CASD1: variants seen among roughly 807,000 people sequenced by gnomAD.
The protein encoded by CASD1 is CAS1 domain sialic acid O acetyltransferase 1.
CASD1 carries 41 observed loss-of-function variants against 100.0 expected under a neutral mutation model. The observed-to-expected ratio is 0.41, with a 90% CI of 0.32 to 0.53. The LOEUF (loss-of-function observed/expected upper bound fraction) is 0.53, where lower values mean the gene tolerates loss of function less well. Among genes scored for constraint, CASD1 ranks in the 20% least tolerant of loss-of-function variants. CASD1 has a pLI of 0.25. For missense variants in CASD1, 774 were observed against 948.7 expected, an observed-to-expected ratio of 0.82 and a Z score of 2.42; for synonymous variants, 321 against 315.6, an observed-to-expected ratio of 1.02 and a Z score of -0.18.
the CASD1 span, chr7:94,598,863 C>G: frequency 6.3e-5 from 102 of 1,612,592 alleles, 2 homozygotes; most frequent in Middle Eastern, 9.9e-4. Flanking sequence ...GGGTGGAACA[C>G]AGGAAGCGTT....
chr7:94,590,156 A>G, the CASD1 span: 1 of 152,146 alleles, frequency 6.6e-6, no homozygotes, highest in Non-Finnish European at 1.5e-5. Context: ...CCTGTACACA[A>G]TCAGCTCCCA....
the CASD1 span, chr7:94,597,663 A>C: frequency 6.6e-6 from 1 of 152,186 alleles, no homozygotes; most frequent in Non-Finnish European, 1.5e-5. Context: ...AGCCAACTTC[A>C]TGACTTCTAG....
intron 1 of CASD1, among the ~76,000 whole-genome samples, chr7:94,516,091 A>G (rs1793965776): frequency 6.6e-6 from 1 of 152,084 alleles, no homozygotes; most frequent in Non-Finnish European, 1.5e-5. Context: ...TAATTGGGGA[A>G]AATGAAGAAC....
chr7:94,628,686 T>C, the CASD1 span: 1 of 287,086 alleles, frequency 3.5e-6, no homozygotes, highest in Admixed American at 4.9e-5. Flanking sequence ...ATCATGCTAA[T>C]GTACTCATTC....
intron 3 of CASD1, among the ~76,000 whole-genome samples, chr7:94,520,739 C>T (rs187254592): frequency 1.8e-4 from 28 of 152,228 alleles, no homozygotes; most frequent in Non-Finnish European, 2.8e-4. Flanking sequence ...AGGCAGATCA[C>T]GAGGTCAAGA....
chr7:94,598,814 TTGTC>T, the CASD1 span: 9 of 1,613,430 alleles, frequency 5.6e-6, no homozygotes, highest in Non-Finnish European at 6.8e-6. Flanking sequence ...GCTATCATAG[TTGTC>T]TGTGTGTAAA....
At chr7:94,536,813 C>T (rs945841836) in intron 8 of CASD1, among the ~76,000 whole-genome samples, 1 of 152,008 alleles carries the variant, frequency 6.6e-6, no homozygotes, top group Non-Finnish European at 1.5e-5. Flanking sequence ...CTCAACTTTC[C>T]CAGAATAATT....
At chr7:94,573,422 C>G in the CASD1 span, among the ~76,000 whole-genome samples, 1 of 152,082 alleles carries the variant, frequency 6.6e-6, no homozygotes, top group Non-Finnish European at 1.5e-5. Context: ...TTTTGTAATT[C>G]TCATTGTAGA....
the CASD1 span, chr7:94,598,379 G>C: frequency 9.3e-6 from 2 of 215,710 alleles, no homozygotes; most frequent in African/African-American, 4.8e-5. Flanking sequence ...AGATTACAAA[G>C]GTCTATGGTA....
intron 3 of CASD1, among the ~76,000 whole-genome samples, chr7:94,519,333 GA>G (rs1216607545): frequency 2.6e-5 from 4 of 152,112 alleles, no homozygotes; most frequent in Admixed American, 2.6e-4. Flanking sequence ...GCAAAGGGGG[GA>G]AAGTCGAACA....
the CASD1 span, chr7:94,590,001 T>C: frequency 6.6e-6 from 1 of 152,216 alleles, no homozygotes; most frequent in Admixed American, 6.5e-5. Flanking sequence ...TTATGTCATT[T>C]AAATAACACA....
At position 94,545,631 on chromosome 7, in the gene CASD1, C is replaced by T. The variant is rs993947437; in HGVS notation, c.1563C>T (p.Val521=). 7.4e-6 allele frequency: 12 copies of T among 1,611,170 alleles called. No individual in the cohort carries two copies. Among genetic ancestry groups the T allele is most frequent in the African/African-American group, 1.3e-5 (1 of 74,814 alleles). The stretch of plus-strand genomic sequence containing the variant: ...AATTCTATTACTTTGTCCCCTTGGT[C>T]ACTGTATGGTTCATGGTCATATATG... ...PYQFYYFVPL[V]TVWFMVIYVT... Residue 521 remains valine (V), a synonymous_variant, in exon 12 of 18, where the codon GTC becomes GTT. Coordinates refer to ENST00000297273, the MANE Select transcript of CASD1 (RefSeq NM_022900.5).
chr7:94,612,167 T>C, the CASD1 span, among the ~76,000 whole-genome samples: 1 of 152,206 alleles, frequency 6.6e-6, no homozygotes, highest in African/African-American at 2.4e-5. Flanking sequence ...AGACAAGACA[T>C]TGATTTGTAT....
chr7:94,598,632 G>A, the CASD1 span: 1 of 721,834 alleles, frequency 1.4e-6, no homozygotes, highest in Non-Finnish European at 2.5e-6. Context: ...GGAGAGTAGG[G>A]GTGAGATTTA....
chr7:94,517,998 CAT>C (rs1357458962), intron 2 of CASD1, among the ~76,000 whole-genome samples: 2 of 152,188 alleles, frequency 1.3e-5, no homozygotes, highest in African/African-American at 2.4e-5. Context: ...ACATCTTAAA[CAT>C]GTAATGTATC....
At chr7:94,515,791 A>G (rs1353952704) in intron 1 of CASD1, among the ~76,000 whole-genome samples, 1 of 152,168 alleles carries the variant, frequency 6.6e-6, no homozygotes, top group Non-Finnish European at 1.5e-5. Context: ...TTAAAGGATT[A>G]ACACCTAGTT....
At chr7:94,561,445 C>CT (rs1796338169), downstream of CASD1, among the ~76,000 whole-genome samples, 1 of 152,088 alleles carries the variant, frequency 6.6e-6, no homozygotes, top group African/African-American at 2.4e-5. Flanking sequence ...TCTATGGATG[C>CT]TTTTTGGGAA....
the CASD1 span, chr7:94,621,981 G>C: frequency 2.0e-5 from 3 of 152,162 alleles, no homozygotes; most frequent in Admixed American, 2.0e-4. Context: ...GTCTACAATT[G>C]ATACCGGTAA....
Position 94,537,749 on chromosome 7 carries a change from T to A in CASD1, c.1121T>A (p.Leu374His). The change falls in exon 9 of 18, where the codon CTT becomes CAT. Residue 374 changes from leucine to histidine, a missense_variant. Transcript: ENST00000297273. ...ATACTTTTACAATCTTTCTGCAAAC[T>A]TGGCCTGATTATGGCATATTTCTAT... is the stretch of plus-strand genomic sequence containing the variant. ...LEILLQSFCK[L>H]GLIMAYFYMC... The A allele has an allele frequency of 6.2e-7, 1 of 1,613,802 alleles. No homozygotes were observed. Among genetic ancestry groups the A allele is most frequent in the Non-Finnish European group, 8.5e-7 (1 of 1,179,876 alleles).
Sources: gnomAD v4.1 joint callset for allele counts (sites outside exome capture counted in the v4.1 genomes callset) on GRCh38, gnomAD v4.1.1 for gene constraint, MANE v1.5 for transcripts, NCBI Gene and HGNC (gene_info 2026-07-23, HGNC 2026-07-21) for gene names.